Variants in DAGLB observed in about 807,000 individuals in gnomAD.
The protein encoded by DAGLB is diacylglycerol lipase-beta.
Under a neutral mutation model 72.1 loss-of-function variants are expected in DAGLB, and 66 were observed. The ratio of observed to expected loss-of-function variants is 0.92; its 90% CI spans 0.75 to 1.12. DAGLB has a LOEUF of 1.12. Ranked by LOEUF, DAGLB falls within the 50% of genes most tolerant of loss-of-function variation. DAGLB has a pLI of 0.00. For missense variants in DAGLB, 1,065 were observed against 884.9 expected (o/e 1.20, Z -2.58); for synonymous variants, 414 against 359.5 (o/e 1.15, Z -1.71).
At chr7:6,419,393 T>C (rs2115251932) in intron 9 of DAGLB, among the ~76,000 whole-genome samples, 1 of 152,288 alleles carries the variant, frequency 6.6e-6, no homozygotes, top group East Asian at 1.9e-4. Context: ...GCACCTACCC[T>C]GTGGCTGGTG....
intron 2 of DAGLB, among the ~76,000 whole-genome samples, chr7:6,437,615 G>T (rs1289869686): frequency 6.6e-6 from 1 of 151,902 alleles, no homozygotes; most frequent in African/African-American, 2.4e-5. Flanking sequence ...TAGTCCCATA[G>T]ACAGTTGTTT....
chr7:6,421,645 C>T, intron 9 of DAGLB, 82 bp downstream of exon 9: 1 of 1,434,310 alleles, frequency 7.0e-7, no homozygotes, highest in Non-Finnish European at 9.4e-7. Context: ...GCAGCGCGGG[C>T]TCTGTGCAGT....
At chr7:6,441,933 G>A (rs1452676483) in intron 2 of DAGLB, among the ~76,000 whole-genome samples, 1 of 152,090 alleles carries the variant, frequency 6.6e-6, no homozygotes, top group Admixed American at 6.6e-5. Context: ...TGCCCTGACC[G>A]AGACAAGCCT....
intron 9 of DAGLB, among the ~76,000 whole-genome samples, chr7:6,419,485 A>T (rs998990693): frequency 6.6e-6 from 1 of 152,228 alleles, no homozygotes; most frequent in Non-Finnish European, 1.5e-5. Context: ...ACAAATGCCA[A>T]AGCCCTTTCG....
intron 11 of DAGLB, among the ~76,000 whole-genome samples, chr7:6,415,111 T>C (rs906466157): frequency 6.6e-6 from 1 of 151,122 alleles, no homozygotes; most frequent in Non-Finnish European, 1.5e-5. Flanking sequence ...CAGCAAGCCA[T>C]GACTGTGCTG....
intron 2 of DAGLB, among the ~76,000 whole-genome samples, chr7:6,444,011 A>G (rs1363453304): frequency 2.0e-5 from 3 of 152,172 alleles, no homozygotes; most frequent in Non-Finnish European, 4.4e-5. Context: ...TCACCCCTGT[A>G]ATCCTAGCAT....
intron 3 of DAGLB, 85 bp downstream of exon 3, chr7:6,436,277 C>A (rs964702070): frequency 1.6e-5 from 24 of 1,493,926 alleles, no homozygotes; most frequent in African/African-American, 1.3e-4. Flanking sequence ...GTCCGAGGGA[C>A]GCTGGACTCT....
rs376704956 is a variant in DAGLB at position 6,409,990 on chromosome 7, G to A, written c.1866C>T (p.His622=). ...SAAHYSAKWS[H]EAEFSKILIG... ...TGAGTATTTTGCTGAATTCCGCTTCGTGTGACCACTTGGCGCTATAGTGAG... is the reference window on the plus strand; with the variant it reads ...TGAGTATTTTGCTGAATTCCGCTTCATGTGACCACTTGGCGCTATAGTGAG... The change falls in exon 15 of 15, where the codon CAC becomes CAT. Residue 622 remains histidine, a synonymous_variant. Transcript: ENST00000297056. 9.1e-5 allele frequency: 147 copies of A among 1,614,136 alleles called. 1 individual carries two copies. The South Asian group carries it at 1.4e-3, about 16-fold the overall frequency.
intron 13 of DAGLB, among the ~76,000 whole-genome samples, chr7:6,411,822 T>C (rs1226711927): frequency 6.6e-6 from 1 of 152,212 alleles, no homozygotes; most frequent in African/African-American, 2.4e-5. Context: ...TATCTGTATC[T>C]CCTTGTCCCC....
rs774115275 is a variant in DAGLB, at chr7:6,425,982, C to A, written c.1056+6G>T. On this transcript the variant is annotated splice_donor_region_variant and intron_variant, in intron 7 of 14. Transcript: ENST00000297056. Reference sequence around the variant, plus strand: ...AGTGAAGAGCCGCTGTCTGCAGCGTCCACACCTTGTCATGGAAGCTGACGT... The same window carrying A: ...AGTGAAGAGCCGCTGTCTGCAGCGTACACACCTTGTCATGGAAGCTGACGT... 1.9e-6 allele frequency: 3 copies of A among 1,614,054 alleles called. No homozygotes were observed. Among genetic ancestry groups the A allele is most frequent in the Non-Finnish European group, 2.5e-6 (3 of 1,179,928 alleles).
intron 11 of DAGLB, among the ~76,000 whole-genome samples, chr7:6,415,845 A>AGGAAAAT (rs1562478922): frequency 8.6e-5 from 12 of 139,726 alleles, no homozygotes; most frequent in Non-Finnish European, 1.4e-4. Context: ...ACTCCGTCTC[A>AGGAAAAT]AAAAAAAAAA....
chr7:6,414,196 G>A (rs1783827881), intron 11 of DAGLB, among the ~76,000 whole-genome samples: 1 of 151,588 alleles, frequency 6.6e-6, no homozygotes, highest in African/African-American at 2.4e-5. Flanking sequence ...ATTTTTAGTA[G>A]AGATAGGGTT....
At chr7:6,447,361 G>C (rs530969221) in intron 1 of DAGLB, among the ~76,000 whole-genome samples, 103 of 152,276 alleles carry the variant, frequency 6.8e-4, no homozygotes, top group African/African-American at 2.3e-3. Context: ...GGAAGGAAGG[G>C]CACAAGTGGC....
chr7:6,424,798 C>G lies in DAGLB; in HGVS notation c.1094G>C (p.Arg365Thr), dbSNP rs764710992. 1 of 1,613,948 alleles carries G rather than the reference C, an allele frequency of 6.2e-7. No homozygotes were observed. Residue 365 changes from arginine to threonine, a missense_variant, in exon 8 of 15, where the codon AGG becomes ACG. Coordinates refer to ENST00000297056, the MANE Select transcript of DAGLB (RefSeq NM_139179.4). ...ELPFLVALDH[R>T]KESVVVAVRG... ...CACAGCGACCACAACAGACTCTTTCCTGTGATCCAGAGCCACTAAAAACGG... is the reference window on the plus strand; with the variant it reads ...CACAGCGACCACAACAGACTCTTTCGTGTGATCCAGAGCCACTAAAAACGG...
In DAGLB at chr7:6,435,034, A is replaced by G. The variant is rs750715594; in HGVS notation, c.420-14T>C. 2 of 1,611,764 alleles carry G rather than the reference A, an allele frequency of 1.2e-6. No individual in the cohort carries two copies. Among genetic ancestry groups the G allele is most frequent in the Admixed American group, 3.3e-5 (2 of 59,984 alleles). On this transcript the variant is annotated splice_polypyrimidine_tract_variant and intron_variant, in intron 3 of 14. Transcript: ENST00000297056. ...ATGATGATCCAACTGCAAGACAGAG[A>G]GAGGAAAAGGCTCGGTGACTGCGGG...
intron 13 of DAGLB, among the ~76,000 whole-genome samples, chr7:6,411,472 A>G (rs897874074): frequency 6.6e-6 from 1 of 152,182 alleles, no homozygotes; most frequent in Non-Finnish European, 1.5e-5. Flanking sequence ...AAATACAAAA[A>G]TTAGCCAGGT....
intron 2 of DAGLB, among the ~76,000 whole-genome samples, chr7:6,441,601 A>G (rs188608416): frequency 3.9e-5 from 5 of 127,056 alleles, no homozygotes; most frequent in Admixed American, 2.4e-4. Flanking sequence ...GTATTTTTAG[A>G]AGAGACGGGG....
rs1784295648 is a variant in DAGLB at position 6,425,877 on chromosome 7, GTGTT to G, written c.1056+107_1056+110del. 5 of 1,530,610 alleles carry G rather than the reference GTGTT, an allele frequency of 3.3e-6. No homozygotes were observed. In the South Asian group the frequency reaches 3.7e-5, roughly 11 times the overall value. The allele number at this position is 1,530,610 out of a possible 1,614,324, so 94.8% of individuals were successfully genotyped here. A position where few individuals can be genotyped will look rare whatever the true frequency, so the allele number is the denominator to read the frequency against. ...GAAATAGTACACAGGACTTAGAAGT[GTGTT>G]TGTGTGTCTATGAATTACGGGAAGA... On this transcript the variant is annotated intron_variant, in intron 7 of 14. Coordinates refer to ENST00000297056, the MANE Select transcript of DAGLB (RefSeq NM_139179.4).
chr7:6,409,491 C>T lies in DAGLB; in HGVS notation c.*346G>A. 6.9e-6 allele frequency: 2 copies of T among 291,720 alleles called. No homozygotes were observed. The highest frequency in any genetic ancestry group is 4.8e-5 in the Admixed American group (1 of 20,968). 18.1% of individuals were successfully genotyped at this position (291,720 alleles called of 1,614,324 possible). A position where few individuals can be genotyped will look rare whatever the true frequency, so the allele number is the denominator to read the frequency against. ...GCCTTGGGGGTGGGAGGCTAAGGAA[C>T]TGTTCACGGTCTTCTGGGTGGGCCC... is the stretch of plus-strand genomic sequence containing the variant. On this transcript the variant is annotated 3_prime_UTR_variant, in exon 15 of 15. Transcript: ENST00000297056.
Sources: gnomAD v4.1 joint callset for allele counts (sites outside exome capture counted in the v4.1 genomes callset) on GRCh38, gnomAD v4.1.1 for gene constraint, MANE v1.5 for transcripts, NCBI Gene and HGNC (gene_info 2026-07-23, HGNC 2026-07-21) for gene names.